UNC5D: variants seen among roughly 807,000 people sequenced by gnomAD.
UNC5D encodes netrin receptor UNC5D.
A neutral mutation model predicts 105.4 loss-of-function variants in UNC5D; 39 were observed. That is an observed-to-expected ratio of 0.37 (90% confidence interval 0.29 to 0.48). UNC5D has a LOEUF of 0.48. Among genes scored for constraint, UNC5D ranks in the 20% least tolerant of loss-of-function variants. UNC5D has a pLI of 0.98. For synonymous variants in UNC5D, 452 were observed against 450.4 expected, an observed-to-expected ratio of 1.00 and a Z score of -0.04; for missense variants, 991 against 1,202.4, an observed-to-expected ratio of 0.82 and a Z score of 2.60.
intron 3 of UNC5D, among the ~76,000 whole-genome samples, chr8:35,573,616 A>T (rs1249517250): frequency 6.6e-6 from 1 of 152,190 alleles, no homozygotes; most frequent in African/African-American, 2.4e-5. Context: ...TAAAAACCAT[A>T]ATAGAAAAAA....
chr8:35,543,831 A>C (rs973506042), intron 1 of UNC5D, among the ~76,000 whole-genome samples: 1 of 152,136 alleles, frequency 6.6e-6, no homozygotes, highest in Admixed American at 6.5e-5. Context: ...ATGATCTTTA[A>C]GGTAAATGTC....
At chr8:35,382,727 A>G (rs1803121000) in intron 1 of UNC5D, among the ~76,000 whole-genome samples, 1 of 152,168 alleles carries the variant, frequency 6.6e-6, no homozygotes, top group African/African-American at 2.4e-5. Flanking sequence ...ATATCTCAAG[A>G]AGGGCATTAA....
chr8:35,323,188 CTTTTTTT>C (rs67076001), intron 1 of UNC5D, among the ~76,000 whole-genome samples: 51,094 of 125,954 alleles, frequency 0.41, 9,923 homozygotes, highest in Middle Eastern at 0.5. Context: ...TTTTCTTTTT[CTTTTTTT>C]TTTTTTTTTT....
At chr8:35,659,643 T>C (rs1586358916) in intron 4 of UNC5D, among the ~76,000 whole-genome samples, 1 of 152,220 alleles carries the variant, frequency 6.6e-6, no homozygotes, top group Admixed American at 6.5e-5. Context: ...CATGCATCTA[T>C]GTGGAGGTAT....
chr8:35,349,277 T>C (rs1467272224), intron 1 of UNC5D, among the ~76,000 whole-genome samples: 1 of 152,008 alleles, frequency 6.6e-6, no homozygotes, highest in African/African-American at 2.4e-5. Flanking sequence ...TGAAACCATA[T>C]TAAAGAATTT....
At chr8:35,516,135 T>C (rs1365689346) in intron 1 of UNC5D, among the ~76,000 whole-genome samples, 1 of 152,172 alleles carries the variant, frequency 6.6e-6, no homozygotes, top group African/African-American at 2.4e-5. Context: ...AAATTCCACT[T>C]TCTTGAAAAA....
At chr8:35,585,552 G>GTGTGTGTA (rs1554566915) in intron 3 of UNC5D, among the ~76,000 whole-genome samples, 1 of 144,930 alleles carries the variant, frequency 6.9e-6, no homozygotes, top group African/African-American at 2.5e-5. Flanking sequence ...GTGTGTGTGT[G>GTGTGTGTA]TATATATGTA....
chr8:35,561,951 T>C (rs986421537), intron 2 of UNC5D, among the ~76,000 whole-genome samples: 25 of 152,202 alleles, frequency 1.6e-4, no homozygotes, highest in Admixed American at 1.5e-3. Context: ...GTCACTGTAC[T>C]GAACTGTCAA....
At chr8:35,525,636 C>T in intron 1 of UNC5D, 2 of 1,613,394 alleles carry the variant, frequency 1.2e-6, no homozygotes, top group Non-Finnish European at 1.7e-6. Context: ...GGAAGAGGGA[C>T]ATTTTAAAGC....
intron 1 of UNC5D, among the ~76,000 whole-genome samples, chr8:35,434,990 C>T (rs1253707778): frequency 2.0e-5 from 3 of 151,978 alleles, no homozygotes; most frequent in East Asian, 3.9e-4. Context: ...TTCATCTGTG[C>T]ACTTAGTGAA....
At chr8:35,630,897 C>T (rs1393959026) in intron 4 of UNC5D, among the ~76,000 whole-genome samples, 1 of 152,196 alleles carries the variant, frequency 6.6e-6, no homozygotes, top group Non-Finnish European at 1.5e-5. Context: ...CAAGATAGCA[C>T]TTGGATGTCT....
chr8:35,726,529 G>T lies in UNC5D; in HGVS notation c.1681G>T (p.Gly561Trp). The T allele has an allele frequency of 6.2e-7, 1 of 1,610,982 alleles. No individual in the cohort carries two copies. The highest frequency in any genetic ancestry group is 8.5e-7 in the Non-Finnish European group (1 of 1,179,816). The change falls in exon 10 of 17, where the codon GGG (glycine) becomes TGG (tryptophan). Residue 561 changes from glycine (G) to tryptophan (W), a missense_variant and splice_region_variant. Transcript: ENST00000404895. ...LGGRLVMPNT[G>W]VSLLIPHGAI... ...GGGGCGCTTAGTAATGCCAAATACA[G>T]GTGGGTGGTAAGTGTGTGTTTGTGT...
chr8:35,724,899 T>C (rs2131547637), intron 9 of UNC5D, among the ~76,000 whole-genome samples: 1 of 152,310 alleles, frequency 6.6e-6, no homozygotes, highest in South Asian at 2.1e-4. Context: ...CGCAGCTCCC[T>C]GATGGTACCT....
chr8:35,430,909 C>A (rs1244544573), intron 1 of UNC5D, among the ~76,000 whole-genome samples: 2 of 152,144 alleles, frequency 1.3e-5, no homozygotes, highest in African/African-American at 4.8e-5. Context: ...CACACACATG[C>A]ATGCATGCAC....
intron 1 of UNC5D, among the ~76,000 whole-genome samples, chr8:35,504,887 C>A (rs1200164813): frequency 2.0e-5 from 3 of 152,180 alleles, no homozygotes; most frequent in Admixed American, 6.5e-5. Flanking sequence ...TGTCCACGTT[C>A]AAGTTTCCTC....
At chr8:35,520,543 G>A (rs920523083) in intron 1 of UNC5D, among the ~76,000 whole-genome samples, 6 of 152,018 alleles carry the variant, frequency 3.9e-5, no homozygotes, top group Non-Finnish European at 8.8e-5. Context: ...ATTTTAAATC[G>A]GTGAATTATA....
At chr8:35,428,482 C>T (rs761521900) in intron 1 of UNC5D, among the ~76,000 whole-genome samples, 14 of 151,584 alleles carry the variant, frequency 9.2e-5, no homozygotes, top group South Asian at 4.2e-4. Context: ...CACTGCCCCC[C>T]GGCCAAATCT....
intron 1 of UNC5D, among the ~76,000 whole-genome samples, chr8:35,465,743 C>T (rs1160495657): frequency 6.6e-6 from 1 of 152,100 alleles, no homozygotes; most frequent in Admixed American, 6.6e-5. Context: ...AGTTGCTACT[C>T]AGCTGACCTT....
intron 4 of UNC5D, among the ~76,000 whole-genome samples, chr8:35,616,173 G>A (rs774818401): frequency 7.9e-5 from 12 of 152,148 alleles, no homozygotes; most frequent in Non-Finnish European, 5.9e-5. Flanking sequence ...GAGGTCAAGC[G>A]GCTTACTCAA....
Sources: gnomAD v4.1 joint callset for allele counts (sites outside exome capture counted in the v4.1 genomes callset) on GRCh38, gnomAD v4.1.1 for gene constraint, MANE v1.5 for transcripts, NCBI Gene and HGNC (gene_info 2026-07-23, HGNC 2026-07-21) for gene names.